DNAJA4: variants seen among roughly 807,000 people sequenced by gnomAD.
The protein encoded by DNAJA4 is dnaJ homolog subfamily A member 4.
In DNAJA4, 32 loss-of-function variants were observed where a neutral mutation model predicts 39.7. That is an observed-to-expected ratio of 0.81 (90% CI 0.61 to 1.08). The LOEUF is 1.08. DNAJA4 is among the 50% of genes least tolerant of loss of function. The pLI, the probability that DNAJA4 is intolerant of heterozygous loss-of-function variation, is 0.00. For missense variants in DNAJA4, 439 were observed against 505.1 expected (o/e 0.87, Z 1.25); for synonymous variants, 184 against 182.4 (o/e 1.01, Z -0.07).
chr15:78,264,599 G>A lies in DNAJA4; in HGVS notation c.-165G>A. 2 of 1,151,386 alleles carry A rather than the reference G, an allele frequency of 1.7e-6. No individual in the cohort carries two copies. Among genetic ancestry groups the A allele is most frequent in the Non-Finnish European group, 2.1e-6 (2 of 938,242 alleles). The allele number at this position is 1,151,386 out of a possible 1,614,324, so 71.3% of individuals were successfully genotyped here. A position where few individuals can be genotyped will look rare whatever the true frequency, so the allele number is the denominator to read the frequency against. Reference sequence around the variant, plus strand: ...CCAGGCGTGGAAGTCGGTCCGGCGCGGGGCGGGGGGCGGGCGGGAGCTACA... The same window carrying A: ...CCAGGCGTGGAAGTCGGTCCGGCGCAGGGCGGGGGGCGGGCGGGAGCTACA... On this transcript the variant is annotated 5_prime_UTR_variant, in exon 1 of 7. Coordinates refer to ENST00000394852, the MANE Select transcript of DNAJA4 (RefSeq NM_001130182.2).
intron 2 of DNAJA4, among the ~76,000 whole-genome samples, chr15:78,270,902 T>A (rs969475937): frequency 6.6e-6 from 1 of 151,716 alleles, no homozygotes; most frequent in Non-Finnish European, 1.5e-5. Flanking sequence ...TCAAAAAAAA[T>A]AAAAATAAAA....
At chr15:78,265,758 T>TA in intron 1 of DNAJA4, 4 of 673,404 alleles carry the variant, frequency 5.9e-6, no homozygotes, top group Admixed American at 4.3e-5. Flanking sequence ...GCCATTTTCT[T>TA]ACAAAACTTT....
At position 78,270,484 on chromosome 15, in the gene DNAJA4, C is replaced by A; in HGVS notation, c.133-13C>A. 1 of 1,600,200 alleles carries A rather than the reference C, an allele frequency of 6.2e-7. No individual in the cohort carries two copies. The highest frequency in any genetic ancestry group is 8.5e-7 in the Non-Finnish European group (1 of 1,174,084). ...AACTTCTCTAAAAATCTCTCTCTCTCTCTCTTTTAAAGTTTAAACTCATAT... is the reference window on the plus strand; with the variant it reads ...AACTTCTCTAAAAATCTCTCTCTCTATCTCTTTTAAAGTTTAAACTCATAT... On this transcript the variant is annotated splice_polypyrimidine_tract_variant and intron_variant, in intron 1 of 6. Transcript: ENST00000394852.
At chr15:78,266,289 C>T (rs900251452) in intron 1 of DNAJA4, 1 of 1,613,626 alleles carries the variant, frequency 6.2e-7, no homozygotes, top group Non-Finnish European at 8.5e-7. Context: ...TCAGCACTCA[C>T]AAGAGTAAGT....
At position 78,279,391 on chromosome 15, in the gene DNAJA4, T is replaced by TA. The variant is rs1268973077; in HGVS notation, c.878-653dup. On this transcript the variant is annotated intron_variant, in intron 5 of 6. Coordinates refer to ENST00000394852, the MANE Select transcript of DNAJA4 (RefSeq NM_001130182.2). The surrounding 1 kb of genome is among the most constrained non-coding windows in gnomAD (Gnocchi z 4.5). ...AAGTTTCTGACTTGGGAGAACGCCT[T>TA]AGAGTTCTTGGGGTCTGAACTCCTC... is the stretch of plus-strand genomic sequence containing the variant. The TA allele has an allele frequency of 1.3e-4, 20 of 152,468 alleles. No homozygotes were observed. Among genetic ancestry groups the TA allele is most frequent in the African/African-American group, 4.6e-4 (19 of 41,462 alleles). The allele number at this position is 152,468 out of a possible 1,614,324, so 9.4% of individuals were successfully genotyped here.
chr15:78,280,585 T>A lies in DNAJA4; in HGVS notation c.*125T>A. 1.3e-6 allele frequency: 1 copy of A among 774,110 alleles called. No homozygotes were observed. The highest frequency in any genetic ancestry group is 2.0e-6 in the Non-Finnish European group (1 of 500,664). 48.0% of individuals were successfully genotyped at this position (774,110 alleles called of 1,614,324 possible). ...GTCCTGTGTATGTGTTCAGCATTCT[T>A]AATTGCTGAGTGTCTTTTTGGCTTT... On this transcript the variant is annotated 3_prime_UTR_variant, in exon 7 of 7. Coordinates refer to ENST00000394852, the MANE Select transcript of DNAJA4 (RefSeq NM_001130182.2).
chr15:78,280,007 C>T (rs1166939057), intron 5 of DNAJA4, 38 bp from the exon 6 acceptor site: 19 of 1,599,060 alleles, frequency 1.2e-5, no homozygotes, highest in Non-Finnish European at 1.5e-5. Context: ...GCAGGCCCCT[C>T]TGCCTTCCTC....
rs2049598393 is a variant in DNAJA4, at chr15:78,279,760, A to AG, written c.878-284dup. 2.1e-6 allele frequency: 1 copy of AG among 473,070 alleles called. No individual in the cohort carries two copies. Among genetic ancestry groups the AG allele is most frequent in the South Asian group, 2.8e-5 (1 of 36,084 alleles). 29.3% of individuals were successfully genotyped at this position (473,070 alleles called of 1,614,324 possible). ...GGCAGACTTGGGTGTCATGACTTCT[A>AG]GTTCACTTGTTTTAAACCTACCTGT... On this transcript the variant is annotated intron_variant, in intron 5 of 6. Coordinates refer to ENST00000394852, the MANE Select transcript of DNAJA4 (RefSeq NM_001130182.2). The surrounding 1 kb of genome is among the most constrained non-coding windows in gnomAD (Gnocchi z 4.5).
chr15:78,270,419 T>C, intron 1 of DNAJA4, 78 bp from the exon 2 acceptor site: 1 of 1,466,954 alleles, frequency 6.8e-7, no homozygotes, highest in Non-Finnish European at 9.3e-7. Flanking sequence ...TCTATTACTT[T>C]GTATGTTTAT....
upstream of DNAJA4, chr15:78,264,246 C>T (rs2049051948): frequency 3.2e-6 from 3 of 924,148 alleles, no homozygotes; most frequent in Admixed American, 4.7e-5. Flanking sequence ...AAGGGGGCGG[C>T]CTCGGGGCGG....
At chr15:78,270,290 C>T (rs2049258590) in intron 1 of DNAJA4, 1 of 532,800 alleles carries the variant, frequency 1.9e-6, no homozygotes, top group Non-Finnish European at 3.3e-6. Flanking sequence ...TACCACCAGT[C>T]CCTTAATATG....
At chr15:78,266,286 T>C (rs978197778) in intron 1 of DNAJA4, 1 of 1,613,724 alleles carries the variant, frequency 6.2e-7, no homozygotes, top group Non-Finnish European at 8.5e-7. Flanking sequence ...ATCTCAGCAC[T>C]CACAAGAGTA....
At chr15:78,264,212 G>A, upstream of DNAJA4, 1 of 835,016 alleles carries the variant, frequency 1.2e-6, no homozygotes, top group Non-Finnish European at 1.7e-6. Context: ...CCAGCCAGCC[G>A]GCTCCACGGA....
chr15:78,274,081 G>T (rs1223153101), intron 3 of DNAJA4, 116 bp from the exon 4 acceptor site: 1 of 831,326 alleles, frequency 1.2e-6, no homozygotes, highest in East Asian at 2.7e-5. Context: ...ATTGTAAATA[G>T]AATTCTAAGC....
chr15:78,270,625 C>T lies in DNAJA4; in HGVS notation c.261C>T (p.Asp87=). 7 of 1,614,180 alleles carry T rather than the reference C, an allele frequency of 4.3e-6. No individual in the cohort carries two copies. Among genetic ancestry groups the T allele is most frequent in the Non-Finnish European group, 5.1e-6 (6 of 1,180,038 alleles). ...GCCCCAGCTTCTCTTCACCCATGGA[C>T]ATCTTTGACATGTTCTTTGGTGGTG... ...SGSPSFSSPM[D]IFDMFFGGGG... is the part of the protein sequence containing the mutation. The change falls in exon 2 of 7, where the codon GAC becomes GAT. Residue 87 remains aspartate, a synonymous_variant. Transcript: ENST00000394852.
chr15:78,265,505 A>G (rs1309658242), intron 1 of DNAJA4: 5 of 702,276 alleles, frequency 7.1e-6, no homozygotes, highest in Admixed American at 6.0e-5. Context: ...GCAACCTGAC[A>G]TCAGCTTGTA....
intron 1 of DNAJA4, among the ~76,000 whole-genome samples, chr15:78,266,596 G>T (rs2049129536): frequency 6.6e-6 from 1 of 152,140 alleles, no homozygotes; most frequent in African/African-American, 2.4e-5. Flanking sequence ...TCATGGAAGG[G>T]GATAAAACTC....
chr15:78,272,390 C>A (rs540721291), intron 2 of DNAJA4, among the ~76,000 whole-genome samples: 1 of 152,216 alleles, frequency 6.6e-6, no homozygotes, highest in Non-Finnish European at 1.5e-5. Flanking sequence ...AGCTCCCTCA[C>A]TGTCTTGAGA....
rs930372599 is a variant in DNAJA4 at position 78,280,515 on chromosome 15, G to C, written c.*55G>C. The C allele has an allele frequency of 7.6e-6, 11 of 1,456,924 alleles. No homozygotes were observed. The highest frequency in any genetic ancestry group is 4.8e-4 in the Middle Eastern group (2 of 4,200). The allele number at this position is 1,456,924 out of a possible 1,614,324, so 90.2% of individuals were successfully genotyped here. On this transcript the variant is annotated 3_prime_UTR_variant, in exon 7 of 7. Coordinates refer to ENST00000394852, the MANE Select transcript of DNAJA4 (RefSeq NM_001130182.2). ...ACTAGCACATGATGAATGTAAAGTTGGCACAATGAAAATGACATCGCTTTA... is the reference window on the plus strand; with the variant it reads ...ACTAGCACATGATGAATGTAAAGTTCGCACAATGAAAATGACATCGCTTTA...
Sources: allele counts gnomAD v4.1 joint callset (sites outside exome capture counted in the v4.1 genomes callset), GRCh38; gene constraint gnomAD v4.1.1; non-coding constraint Gnocchi (gnomAD v3.1); transcripts MANE v1.5; gene names NCBI Gene and HGNC (gene_info 2026-07-23, HGNC 2026-07-21).